Variants in CELF4 observed in about 807,000 individuals in gnomAD.
The protein encoded by CELF4 is CUGBP Elav-like family member 4.
In CELF4, 18 loss-of-function variants were observed where a neutral mutation model predicts 59.9. The ratio of observed to expected loss-of-function variants is 0.30; its 90% CI spans 0.21 to 0.45. The LOEUF is 0.45. Ranked by LOEUF, CELF4 falls within the 20% of genes least tolerant of loss-of-function variation. CELF4 has a pLI of 1.00. For synonymous variants in CELF4, 261 were observed against 267.1 expected (o/e 0.98, Z 0.22); for missense variants, 456 against 689.0 (o/e 0.66, Z 3.79).
chr18:37,534,604 G>T (rs975144441), intron 1 of CELF4, among the ~76,000 whole-genome samples: 1 of 152,294 alleles, frequency 6.6e-6, no homozygotes, highest in South Asian at 2.1e-4. Context: ...AAGTGAAGGA[G>T]GAATTCTCAA....
intron 1 of CELF4, among the ~76,000 whole-genome samples, chr18:37,547,256 G>T (rs1204950648): frequency 6.6e-6 from 1 of 151,714 alleles, no homozygotes; most frequent in African/African-American, 2.4e-5. Context: ...GCCAACAGGA[G>T]CCCCCCCAGG....
At chr18:37,487,534 T>C (rs990944249) in intron 1 of CELF4, among the ~76,000 whole-genome samples, 2 of 152,166 alleles carry the variant, frequency 1.3e-5, no homozygotes, top group African/African-American at 4.8e-5. Context: ...AGACTGTTAT[T>C]GATGGAGACA....
chr18:37,543,406 C>G (rs2099979128), intron 1 of CELF4, among the ~76,000 whole-genome samples: 1 of 152,236 alleles, frequency 6.6e-6, no homozygotes, highest in Non-Finnish European at 1.5e-5. Context: ...CACAGGGCCT[C>G]TCAAGTCAGG....
intron 2 of CELF4, among the ~76,000 whole-genome samples, chr18:37,454,611 T>A (rs892407457): frequency 3.9e-5 from 6 of 152,182 alleles, no homozygotes; most frequent in Admixed American, 1.3e-4. Flanking sequence ...ACCATGCTGA[T>A]ATGTGATGGC....
intron 1 of CELF4, among the ~76,000 whole-genome samples, chr18:37,561,118 C>T (rs920893851): frequency 6.6e-6 from 1 of 152,188 alleles, no homozygotes; most frequent in Non-Finnish European, 1.5e-5. Flanking sequence ...TGTCCCCACA[C>T]TTCTGGATGT....
At chr18:37,353,800 A>T (rs1184392186) in intron 2 of CELF4, among the ~76,000 whole-genome samples, 1 of 136,576 alleles carries the variant, frequency 7.3e-6, no homozygotes, top group East Asian at 2.1e-4. Flanking sequence ...GGAGTCACCC[A>T]GGCTAGAGTG....
chr18:37,520,007 C>G (rs1411220668), intron 1 of CELF4, among the ~76,000 whole-genome samples: 1 of 152,116 alleles, frequency 6.6e-6, no homozygotes, highest in East Asian at 1.9e-4. Flanking sequence ...CACTTAGGCA[C>G]CAGGACGTCA....
chr18:37,524,124 C>T (rs1330973541), intron 1 of CELF4, among the ~76,000 whole-genome samples: 1 of 152,212 alleles, frequency 6.6e-6, no homozygotes, highest in South Asian at 2.1e-4. Context: ...TGGCATACAG[C>T]GAGACCTCCA....
At position 37,535,631 on chromosome 18, in the gene CELF4, C is replaced by T. The variant is rs897832994; in HGVS notation, c.286+29725G>A. Among the ~76,000 whole-genome samples, 44 of 152,084 alleles carry T rather than the reference C, an allele frequency of 2.9e-4. 1 individual carries two copies. The highest frequency in any genetic ancestry group is 1.0e-3 in the African/African-American group (42 of 41,418). On this transcript the variant is annotated intron_variant, in intron 1 of 12. Transcript: ENST00000420428. ...GTAATACACGTGTATTACTTAAGAG[C>T]GTTTATATGTACTGTGAGCTCCGAA...
chr18:37,353,473 C>A (rs1404212214), intron 2 of CELF4, among the ~76,000 whole-genome samples: 1 of 150,756 alleles, frequency 6.6e-6, no homozygotes, highest in African/African-American at 2.4e-5. Context: ...CTGGGAGAAC[C>A]AATTGGAACA....
chr18:37,415,981 G>A (rs2099524415), intron 2 of CELF4, among the ~76,000 whole-genome samples: 1 of 152,228 alleles, frequency 6.6e-6, no homozygotes, highest in Admixed American at 6.5e-5. Context: ...GTGGGGCAGG[G>A]AGGAGGAAGG....
intron 3 of CELF4, among the ~76,000 whole-genome samples, chr18:37,295,881 G>C (rs1049415475): frequency 6.6e-6 from 1 of 152,210 alleles, no homozygotes; most frequent in African/African-American, 2.4e-5. Context: ...CAGGCTGTGT[G>C]ACCTGTGCCC....
In CELF4 at chr18:37,254,065, G is replaced by A. The variant is rs1168446705; in HGVS notation, c.1334-127C>T. 4.5e-6 allele frequency: 3 copies of A among 661,358 alleles called. No individual in the cohort carries two copies. In the East Asian group the frequency reaches 1.4e-4, roughly 31 times the overall value. The allele number at this position is 661,358 out of a possible 1,614,324, so 41.0% of individuals were successfully genotyped here. A position where few individuals can be genotyped will look rare whatever the true frequency, so the allele number is the denominator to read the frequency against. On this transcript the variant is annotated intron_variant, in intron 11 of 12. Coordinates refer to ENST00000420428, the MANE Select transcript of CELF4 (RefSeq NM_020180.4). The surrounding 1 kb of genome is among the most constrained non-coding windows in gnomAD (Gnocchi z 5.1). ...GCTCTCCCCCTCGGGCCCCGCCCCC[G>A]GCCCCGCCCCGGTGCCCGCCCCTCT...
chr18:37,542,971 A>G (rs2099978857), intron 1 of CELF4, among the ~76,000 whole-genome samples: 1 of 152,020 alleles, frequency 6.6e-6, no homozygotes, highest in South Asian at 2.1e-4. Context: ...ACTTGGTTAG[A>G]GCCCAATACT....
rs1467257980 is a variant in CELF4 at position 37,244,655 on chromosome 18, A to C, written c.*587T>G. On this transcript the variant is annotated 3_prime_UTR_variant, in exon 13 of 13. Transcript: ENST00000420428. Reference sequence around the variant, plus strand: ...GCTGTTTCAAGAACAGCCATGAGGCAGGAAGGAGGGGGTCCTCCATTCCCC... The same window carrying C: ...GCTGTTTCAAGAACAGCCATGAGGCCGGAAGGAGGGGGTCCTCCATTCCCC... The C allele has an allele frequency of 6.6e-6, 1 of 152,348 alleles. No individual in the cohort carries two copies. The highest frequency in any genetic ancestry group is 6.6e-5 in the Admixed American group (1 of 15,248). 9.4% of individuals were successfully genotyped at this position (152,348 alleles called of 1,614,324 possible). A position where few individuals can be genotyped will look rare whatever the true frequency, so the allele number is the denominator to read the frequency against.
intron 3 of CELF4, among the ~76,000 whole-genome samples, chr18:37,316,900 C>T (rs1378096356): frequency 2.0e-5 from 3 of 152,106 alleles, no homozygotes; most frequent in Admixed American, 2.0e-4. Flanking sequence ...ACCCAGAGTC[C>T]GAGAAGCCCT....
At chr18:37,415,405 G>C (rs531350745) in intron 2 of CELF4, among the ~76,000 whole-genome samples, 57 of 152,306 alleles carry the variant, frequency 3.7e-4, no homozygotes, top group African/African-American at 1.2e-3. Context: ...AAAGCAGGGA[G>C]GCACCCCTTG....
intron 2 of CELF4, among the ~76,000 whole-genome samples, chr18:37,344,055 C>A (rs909653735): frequency 6.6e-6 from 1 of 152,204 alleles, no homozygotes; most frequent in South Asian, 2.1e-4. Context: ...CTTTTACCCC[C>A]ATTTTGCTCC....
At chr18:37,509,674 G>T (rs1455068805) in intron 1 of CELF4, among the ~76,000 whole-genome samples, 2 of 152,192 alleles carry the variant, frequency 1.3e-5, no homozygotes, top group African/African-American at 2.4e-5. Flanking sequence ...ATGCCCCAAA[G>T]AATTAAAGAT....
Sources: allele counts gnomAD v4.1 joint callset (sites outside exome capture counted in the v4.1 genomes callset), GRCh38; gene constraint gnomAD v4.1.1; non-coding constraint Gnocchi (gnomAD v3.1); transcripts MANE v1.5; gene names NCBI Gene and HGNC (gene_info 2026-07-23, HGNC 2026-07-21).